Variants in MAGI2 observed in about 807,000 individuals in gnomAD.
MAGI2 encodes membrane associated guanylate kinase, WW and PDZ domain containing 2.
In MAGI2, 35 loss-of-function variants were observed where a neutral mutation model predicts 133.3. That is an observed-to-expected ratio of 0.26 (90% CI 0.20 to 0.35). The LOEUF is 0.35. MAGI2 is among the 10% of genes least tolerant of loss of function. MAGI2 has a pLI of 1.00. For synonymous variants in MAGI2, 729 were observed against 710.6 expected (o/e 1.03, Z -0.41); for missense variants, 1,636 against 1,863.4 (o/e 0.88, Z 2.25).
Position 78,239,380 on chromosome 7 carries a change from C to A in MAGI2, c.2047+16563G>T, listed in dbSNP as rs144293076. On this transcript the variant is annotated intron_variant, in intron 10 of 21. Coordinates refer to ENST00000354212, the MANE Select transcript of MAGI2 (RefSeq NM_012301.4). ...GATTTTTCAACATGACCTCAAAAAC[C>A]CAAGTAACAGAAGCAAAACTAGACA... Among the ~76,000 whole-genome samples, 1,054 of 152,104 alleles carry A rather than the reference C, an allele frequency of 6.9e-3. 45 individuals carry two copies. Among genetic ancestry groups the A allele is most frequent in the Admixed American group, 0.041 (632 of 15,272 alleles).
At chr7:79,338,849 G>A (rs984890791) in intron 1 of MAGI2, among the ~76,000 whole-genome samples, 4 of 152,040 alleles carry the variant, frequency 2.6e-5, no homozygotes, top group Admixed American at 2.6e-4. Flanking sequence ...AACCTACGGG[G>A]GGTACTCCCA....
intron 2 of MAGI2, among the ~76,000 whole-genome samples, chr7:78,760,355 TTC>T (rs1308454575): frequency 7.2e-6 from 1 of 138,114 alleles, no homozygotes; most frequent in African/African-American, 2.8e-5. Context: ...TGGACTTTAA[TTC>T]TCTCTTTTTT....
chr7:78,729,401 A>G (rs145441305), intron 2 of MAGI2, among the ~76,000 whole-genome samples: 6 of 152,352 alleles, frequency 3.9e-5, no homozygotes, highest in Admixed American at 6.5e-5. Context: ...CTAAAAGTCA[A>G]TCAGGATGGA....
intron 2 of MAGI2, among the ~76,000 whole-genome samples, chr7:78,725,109 TAA>T (rs913945100): frequency 2.0e-5 from 3 of 152,236 alleles, no homozygotes; most frequent in African/African-American, 7.2e-5. Context: ...GCCCTGCAGA[TAA>T]AATGTCTTTT....
rs1310565027 is a variant in MAGI2 at position 78,260,802 on chromosome 7, G to A, written c.1409-4221C>T. ...CCAATTATGGAATTTCAAAGTGCAAGTGAGGTAGAGTGAGTTTGATGAAGC... is the reference window on the plus strand; with the variant it reads ...CCAATTATGGAATTTCAAAGTGCAAATGAGGTAGAGTGAGTTTGATGAAGC... On this transcript the variant is annotated intron_variant, in intron 9 of 21. Coordinates refer to ENST00000354212, the MANE Select transcript of MAGI2 (RefSeq NM_012301.4). Among the ~76,000 whole-genome samples the A allele has an allele frequency of 9.2e-5, 14 of 152,226 alleles. No homozygotes were observed. In the East Asian group the frequency reaches 1.2e-3, roughly 13 times the overall value.
chr7:78,888,091 A>G (rs1796415164), intron 2 of MAGI2, among the ~76,000 whole-genome samples: 1 of 152,204 alleles, frequency 6.6e-6, no homozygotes, highest in Admixed American at 6.5e-5. Flanking sequence ...TATCCTGCAC[A>G]TGGCTCAGAG....
chr7:78,444,069 T>C (rs1243917116), intron 6 of MAGI2, among the ~76,000 whole-genome samples: 1 of 152,136 alleles, frequency 6.6e-6, no homozygotes, highest in Non-Finnish European at 1.5e-5. Flanking sequence ...CCACTTAGTA[T>C]CGCAGCTCCT....
intron 1 of MAGI2, among the ~76,000 whole-genome samples, chr7:79,404,078 G>A (rs1845646392): frequency 6.6e-6 from 1 of 152,104 alleles, no homozygotes; most frequent in Admixed American, 6.6e-5. Flanking sequence ...ATAGCCACCT[G>A]CTTCTCGAAC....
At chr7:78,515,011 T>G (rs1210185022) in intron 4 of MAGI2, among the ~76,000 whole-genome samples, 1 of 152,214 alleles carries the variant, frequency 6.6e-6, no homozygotes, top group Non-Finnish European at 1.5e-5. Context: ...TGTGTGTGTG[T>G]GTCTGTATTA....
At chr7:78,235,446 C>G (rs564033874) in intron 10 of MAGI2, among the ~76,000 whole-genome samples, 1 of 152,156 alleles carries the variant, frequency 6.6e-6, no homozygotes, top group African/African-American at 2.4e-5. Flanking sequence ...CTCCACGTGT[C>G]GTGGGAGGAA....
intron 1 of MAGI2, among the ~76,000 whole-genome samples, chr7:79,437,225 A>C (rs1033235312): frequency 1.3e-5 from 2 of 152,126 alleles, no homozygotes; most frequent in Non-Finnish European, 2.9e-5. Flanking sequence ...CAAGGGTTGA[A>C]AAACTACCTG....
intron 1 of MAGI2, among the ~76,000 whole-genome samples, chr7:79,228,039 C>T (rs1440848989): frequency 1.3e-5 from 2 of 151,812 alleles, no homozygotes; most frequent in South Asian, 4.2e-4. Flanking sequence ...TTTTAAAAAA[C>T]AAAAGAAAAC....
intron 15 of MAGI2, among the ~76,000 whole-genome samples, chr7:78,165,407 G>A (rs1825525887): frequency 6.6e-6 from 1 of 152,152 alleles, no homozygotes; most frequent in African/African-American, 2.4e-5. Flanking sequence ...TGTTATCTTA[G>A]TTTTTGCTCA....
intron 21 of MAGI2, among the ~76,000 whole-genome samples, chr7:78,061,426 AC>A (rs1219526115): frequency 4.6e-5 from 5 of 107,904 alleles, no homozygotes; most frequent in African/African-American, 8.6e-5. Context: ...ACACACACAC[AC>A]ACACACACAC....
At chr7:78,030,248 T>C (rs185192926) in intron 21 of MAGI2, among the ~76,000 whole-genome samples, 3 of 152,314 alleles carry the variant, frequency 2.0e-5, no homozygotes, top group Admixed American at 2.0e-4. Context: ...ATTAAATTAA[T>C]AGTTTGAATC....
intron 1 of MAGI2, among the ~76,000 whole-genome samples, chr7:79,244,094 C>A (rs1446867099): frequency 6.6e-6 from 1 of 152,154 alleles, no homozygotes; most frequent in Non-Finnish European, 1.5e-5. Context: ...TGCACACTAA[C>A]CAATCATGCC....
At chr7:79,343,579 G>T (rs1287010853) in intron 1 of MAGI2, among the ~76,000 whole-genome samples, 1 of 150,120 alleles carries the variant, frequency 6.7e-6, no homozygotes, top group Non-Finnish European at 1.5e-5. Context: ...CCCCAAATTG[G>T]CTAATTATTA....
chr7:78,763,118 G>T (rs1347468363), intron 2 of MAGI2, among the ~76,000 whole-genome samples: 3 of 152,110 alleles, frequency 2.0e-5, no homozygotes, highest in African/African-American at 7.2e-5. Flanking sequence ...AGGTTCAGGG[G>T]ATATGTACTA....
At chr7:78,210,166 C>T (rs1291375216) in intron 10 of MAGI2, among the ~76,000 whole-genome samples, 2 of 152,092 alleles carry the variant, frequency 1.3e-5, no homozygotes, top group Non-Finnish European at 2.9e-5. Context: ...TCCATCTCCC[C>T]CATTAGAGCA....
Sources: allele counts gnomAD v4.1 joint callset (sites outside exome capture counted in the v4.1 genomes callset), GRCh38; gene constraint gnomAD v4.1.1; transcripts MANE v1.5; gene names NCBI Gene and HGNC (gene_info 2026-07-23, HGNC 2026-07-21).